CTNNA2: variants seen among roughly 807,000 people sequenced by gnomAD.
The protein encoded by CTNNA2 is catenin alpha-2.
Under a neutral mutation model 101.0 loss-of-function variants are expected in CTNNA2, and 42 were observed. The ratio of observed to expected loss-of-function variants is 0.42; its 90% confidence interval spans 0.32 to 0.54. The LOEUF is 0.54. Ranked by LOEUF, CTNNA2 falls within the 20% of genes least tolerant of loss-of-function variation. CTNNA2 has a pLI of 0.14. For synonymous variants in CTNNA2, 450 were observed against 456.4 expected (o/e 0.99, Z 0.18); for missense variants, 871 against 1,223.1 (o/e 0.71, Z 4.29).
At chr2:80,379,427 T>C (rs111958056) in intron 7 of CTNNA2, among the ~76,000 whole-genome samples, 129 of 152,290 alleles carry the variant, frequency 8.5e-4, no homozygotes, top group African/African-American at 3.1e-3. Flanking sequence ...CCTGTATTGT[T>C]TTAGTGTGTC....
At chr2:80,048,714 A>C (rs1696684978) in intron 7 of CTNNA2, among the ~76,000 whole-genome samples, 1 of 152,248 alleles carries the variant, frequency 6.6e-6, no homozygotes, top group Admixed American at 6.5e-5. Flanking sequence ...AGTGAATCTA[A>C]AGCTATGCAC....
intron 2 of CTNNA2, among the ~76,000 whole-genome samples, chr2:79,720,195 A>T (rs979421210): frequency 2.6e-5 from 4 of 152,026 alleles, no homozygotes; most frequent in African/African-American, 9.7e-5. Flanking sequence ...GGAAGATCAG[A>T]TGATTGTAAG....
chr2:79,678,695 T>C (rs1000244323), intron 2 of CTNNA2, among the ~76,000 whole-genome samples: 1 of 152,202 alleles, frequency 6.6e-6, no homozygotes, highest in African/African-American at 2.4e-5. Flanking sequence ...GGGCCTATAT[T>C]AAGGGGTCAT....
At position 79,822,836 on chromosome 2, in the gene CTNNA2, A is replaced by G. The variant is rs62140157; in HGVS notation, c.299-35177A>G. On this transcript the variant is annotated intron_variant, in intron 3 of 18. Coordinates refer to ENST00000402739, the MANE Select transcript of CTNNA2 (RefSeq NM_001282597.3). ...ACGCTTAAAGACAAAACTCCTGAGCATAGCCTATAAGGCCATATATGATCT... is the reference window on the plus strand; with the variant it reads ...ACGCTTAAAGACAAAACTCCTGAGCGTAGCCTATAAGGCCATATATGATCT... Among the ~76,000 whole-genome samples, 792 of 152,294 alleles carry G rather than the reference A, an allele frequency of 5.2e-3. 6 individuals carry two copies. The highest frequency in any genetic ancestry group is 9.1e-3 in the Non-Finnish European group (616 of 68,036).
chr2:80,503,823 A>G (rs538035269), intron 9 of CTNNA2, among the ~76,000 whole-genome samples: 1 of 152,226 alleles, frequency 6.6e-6, no homozygotes, highest in African/African-American at 2.4e-5. Context: ...CAGAGCCCTG[A>G]GCTTCCAAGC....
intron 7 of CTNNA2, among the ~76,000 whole-genome samples, chr2:80,365,713 A>G (rs377588406): frequency 2.0e-5 from 3 of 152,320 alleles, no homozygotes; most frequent in South Asian, 2.1e-4. Flanking sequence ...TGTTTTCATA[A>G]GTGAAAAACT....
At chr2:80,618,236 G>T (rs1699013889) in intron 17 of CTNNA2, among the ~76,000 whole-genome samples, 1 of 151,818 alleles carries the variant, frequency 6.6e-6, no homozygotes, top group African/African-American at 2.4e-5. Flanking sequence ...ATTTTGGTCA[G>T]TTGGCATCAC....
At chr2:79,533,168 C>T (rs6761786) in intron 1 of CTNNA2, among the ~76,000 whole-genome samples, 69,836 of 151,680 alleles carry the variant, frequency 0.46, 16,423 homozygotes, top group Non-Finnish European at 0.51. Flanking sequence ...TGCTATATCC[C>T]TTTATCTGTT....
intron 3 of CTNNA2, among the ~76,000 whole-genome samples, chr2:79,371,098 T>C (rs1468173100): frequency 6.6e-6 from 1 of 151,676 alleles, no homozygotes; most frequent in Admixed American, 6.6e-5. Context: ...TTAGGAGGCC[T>C]GGAAGCCGAA....
At chr2:80,062,949 C>T (rs1305298898) in intron 7 of CTNNA2, among the ~76,000 whole-genome samples, 8 of 152,184 alleles carry the variant, frequency 5.3e-5, no homozygotes, top group African/African-American at 1.9e-4. Flanking sequence ...TCGTGATCCA[C>T]CTGCCTCGGC....
chr2:80,497,145 C>A (rs1687539149), intron 9 of CTNNA2, among the ~76,000 whole-genome samples: 1 of 152,186 alleles, frequency 6.6e-6, no homozygotes, highest in African/African-American at 2.4e-5. Context: ...CATTAATTTT[C>A]AGTATATCTT....
intron 18 of CTNNA2, among the ~76,000 whole-genome samples, chr2:80,625,953 T>G (rs1302756457): frequency 6.6e-6 from 1 of 152,188 alleles, no homozygotes; most frequent in Non-Finnish European, 1.5e-5. Context: ...TAAGAAAAGA[T>G]TATGCCATAG....
At chr2:79,981,369 A>C (rs1297501087) in intron 7 of CTNNA2, among the ~76,000 whole-genome samples, 1 of 152,192 alleles carries the variant, frequency 6.6e-6, no homozygotes, top group African/African-American at 2.4e-5. Flanking sequence ...TTGTGGATAC[A>C]GATATGAAAA....
At chr2:79,479,549 T>C (rs1671086102) in intron 4 of CTNNA2, among the ~76,000 whole-genome samples, 1 of 152,218 alleles carries the variant, frequency 6.6e-6, no homozygotes. Flanking sequence ...CTCAGAACTC[T>C]CTAGACAATG....
chr2:79,949,151 C>T (rs1481657990), intron 7 of CTNNA2, among the ~76,000 whole-genome samples: 2 of 151,948 alleles, frequency 1.3e-5, no homozygotes, highest in Non-Finnish European at 2.9e-5. Flanking sequence ...AAACAGTATA[C>T]ACAATTTAAT....
chr2:79,895,691 A>ATTTTTT (rs757762487), intron 6 of CTNNA2, among the ~76,000 whole-genome samples: 2 of 107,760 alleles, frequency 1.9e-5, no homozygotes, highest in Non-Finnish European at 1.8e-5. Context: ...GAAATTTCTT[A>ATTTTTT]ATTTTTTTTT....
chr2:80,594,699 T>C (rs1165069980), intron 15 of CTNNA2, among the ~76,000 whole-genome samples: 1 of 152,122 alleles, frequency 6.6e-6, no homozygotes, highest in Non-Finnish European at 1.5e-5. Flanking sequence ...ACATGAGGAC[T>C]GCTGCTGCTT....
At chr2:80,165,279 G>C (rs1396442341) in intron 7 of CTNNA2, among the ~76,000 whole-genome samples, 4 of 150,388 alleles carry the variant, frequency 2.7e-5, no homozygotes, top group Middle Eastern at 3.4e-3. Flanking sequence ...AGATTGGCTA[G>C]TTCCTGATTT....
At chr2:80,298,252 T>C (rs899187509) in intron 7 of CTNNA2, 1 of 152,226 alleles carries the variant, frequency 6.6e-6, no homozygotes, top group Non-Finnish European at 1.5e-5. Context: ...TAATTCCTTT[T>C]TATTTGACAT....
Sources: gnomAD v4.1 joint callset for allele counts (sites outside exome capture counted in the v4.1 genomes callset) on GRCh38, gnomAD v4.1.1 for gene constraint, MANE v1.5 for transcripts, NCBI Gene and HGNC (gene_info 2026-07-23, HGNC 2026-07-21) for gene names.